PGCKA1: variants seen among roughly 807,000 people sequenced by gnomAD.
The protein encoded by PGCKA1 is PDCD10 and GCKIII kinases-associated protein 1.
chr4:37,493,442 AT>A, the PGCKA1 span, among the ~76,000 whole-genome samples: 4 of 152,218 alleles, frequency 2.6e-5, no homozygotes, highest in African/African-American at 9.6e-5. Context: ...ACAAACATTT[AT>A]TGGTATCTGC....
At chr4:37,574,724 C>T in the PGCKA1 span, among the ~76,000 whole-genome samples, 25 of 152,156 alleles carry the variant, frequency 1.6e-4, no homozygotes, top group East Asian at 4.6e-3. Context: ...GCTTTGCCCC[C>T]ATTAGCCATC....
the PGCKA1 span, among the ~76,000 whole-genome samples, chr4:37,589,855 C>T: frequency 2.9e-4 from 44 of 152,330 alleles, no homozygotes; most frequent in Admixed American, 9.8e-4. Flanking sequence ...TGGTCTCGAA[C>T]TCCTGACCTC....
At chr4:37,552,674 C>T in the PGCKA1 span, among the ~76,000 whole-genome samples, 13,483 of 152,214 alleles carry the variant, frequency 0.089, 642 homozygotes, top group Middle Eastern at 0.12. Context: ...TGCCACCACA[C>T]GCCAGGCTTT....
At chr4:37,454,266 G>T in the PGCKA1 span, among the ~76,000 whole-genome samples, 2 of 152,224 alleles carry the variant, frequency 1.3e-5, no homozygotes, top group South Asian at 2.1e-4. Flanking sequence ...GGCAAAACTC[G>T]GGTGGGGGGA....
the PGCKA1 span, among the ~76,000 whole-genome samples, chr4:37,480,686 C>T: frequency 6.6e-6 from 1 of 152,152 alleles, no homozygotes; most frequent in African/African-American, 2.4e-5. Flanking sequence ...TATTTTGGGG[C>T]AGACATCTTT....
At chr4:37,546,695 G>A in the PGCKA1 span, among the ~76,000 whole-genome samples, 33 of 152,220 alleles carry the variant, frequency 2.2e-4, no homozygotes, top group Non-Finnish European at 4.0e-4. Context: ...ACCGGGAAGC[G>A]AGGTGACTGA....
At chr4:37,529,318 CT>C in the PGCKA1 span, among the ~76,000 whole-genome samples, 11 of 152,206 alleles carry the variant, frequency 7.2e-5, no homozygotes, top group East Asian at 2.1e-3. Context: ...GCTAGTAAAT[CT>C]TGTAATATTT....
At chr4:37,497,011 G>C in the PGCKA1 span, among the ~76,000 whole-genome samples, 2 of 152,020 alleles carry the variant, frequency 1.3e-5, no homozygotes, top group Non-Finnish European at 1.5e-5. Context: ...GTGGTGATTT[G>C]TGAGATCCTG....
At chr4:37,453,339 A>C in the PGCKA1 span, among the ~76,000 whole-genome samples, 1 of 152,046 alleles carries the variant, frequency 6.6e-6, no homozygotes. Context: ...GGGACGGGGA[A>C]CCAGGAGTTC....
At chr4:37,560,867 C>A in the PGCKA1 span, among the ~76,000 whole-genome samples, 1 of 152,122 alleles carries the variant, frequency 6.6e-6, no homozygotes, top group Non-Finnish European at 1.5e-5. Context: ...CTATCTTTTT[C>A]CTCCTTGGCT....
At chr4:37,465,403 G>A in the PGCKA1 span, among the ~76,000 whole-genome samples, 3 of 152,160 alleles carry the variant, frequency 2.0e-5, no homozygotes, top group Non-Finnish European at 4.4e-5. Flanking sequence ...CCATACTGGT[G>A]TGGATGGCTT....
chr4:37,491,712 C>T, the PGCKA1 span, among the ~76,000 whole-genome samples: 1 of 152,058 alleles, frequency 6.6e-6, no homozygotes, highest in African/African-American at 2.4e-5. Context: ...GAAAATCTAC[C>T]CTCCAGTTTG....
the PGCKA1 span, among the ~76,000 whole-genome samples, chr4:37,509,669 C>A: frequency 0.067 from 10,129 of 150,836 alleles, 1,199 homozygotes; most frequent in African/African-American, 0.23. Context: ...CCAGCCTGGG[C>A]AACATTGAGC....
At chr4:37,479,369 AT>A in the PGCKA1 span, among the ~76,000 whole-genome samples, 1 of 150,946 alleles carries the variant, frequency 6.6e-6, no homozygotes. Context: ...TGCTCATTTT[AT>A]TTTTTTTTGT....
the PGCKA1 span, among the ~76,000 whole-genome samples, chr4:37,569,467 G>A: frequency 6.6e-6 from 1 of 152,240 alleles, no homozygotes; most frequent in South Asian, 2.1e-4. Context: ...CCAAAGCGCT[G>A]GGGTTACAGG....
At chr4:37,562,225 C>T in the PGCKA1 span, among the ~76,000 whole-genome samples, 68,693 of 151,688 alleles carry the variant, frequency 0.45, 16,341 homozygotes, top group South Asian at 0.54. Context: ...TACAAATTAA[C>T]GTTAGTAAGT....
chr4:37,541,144 CAG>C, the PGCKA1 span, among the ~76,000 whole-genome samples: 1 of 152,132 alleles, frequency 6.6e-6, no homozygotes, highest in African/African-American at 2.4e-5. Flanking sequence ...TGAAATCTCG[CAG>C]AGTCAGGCAT....
chr4:37,502,526 G>T, the PGCKA1 span, among the ~76,000 whole-genome samples: 1 of 152,152 alleles, frequency 6.6e-6, no homozygotes, highest in East Asian at 1.9e-4. Context: ...TGGTGGGGGT[G>T]GCAGGCCCTG....
At chr4:37,466,973 C>A in the PGCKA1 span, among the ~76,000 whole-genome samples, 1 of 152,140 alleles carries the variant, frequency 6.6e-6, no homozygotes, top group Non-Finnish European at 1.5e-5. Flanking sequence ...TGGTGGGCAC[C>A]TGTAATCCCA....
Sources: gnomAD v4.1 joint callset for allele counts (sites outside exome capture counted in the v4.1 genomes callset) on GRCh38, gnomAD v4.1.1 for gene constraint, MANE v1.5 for transcripts, NCBI Gene and HGNC (gene_info 2026-07-23, HGNC 2026-07-21) for gene names.